Variants in NEK1 observed in about 807,000 individuals in gnomAD.
The protein encoded by NEK1 is serine/threonine-protein kinase Nek1.
NEK1 carries 137 observed loss-of-function variants against 182.1 expected under a neutral mutation model. The ratio of observed to expected loss-of-function variants is 0.75; its 90% CI spans 0.65 to 0.87. The LOEUF (loss-of-function observed/expected upper bound fraction) is 0.87. Among genes scored for constraint, NEK1 ranks in the 40% least tolerant of loss-of-function variants. The pLI is 0.00. For missense variants in NEK1, 1,391 were observed against 1,494.4 expected (o/e 0.93, Z 1.14); for synonymous variants, 513 against 492.2 (o/e 1.04, Z -0.56).
At chr4:169,596,053 A>G (rs1183446422) in intron 5 of NEK1, among the ~76,000 whole-genome samples, 2 of 152,130 alleles carry the variant, frequency 1.3e-5, no homozygotes, top group Non-Finnish European at 1.5e-5. Flanking sequence ...TCTAGCAACC[A>G]GGGACCTTGG....
chr4:169,426,083 G>T, intron 30 of NEK1, 63 bp downstream of exon 30: 1 of 1,188,346 alleles, frequency 8.4e-7, no homozygotes, highest in Non-Finnish European at 1.2e-6. Flanking sequence ...AAATAAAACA[G>T]GTTGATGTTA....
At chr4:169,500,176 C>T (rs948100590) in intron 23 of NEK1, among the ~76,000 whole-genome samples, 2 of 152,088 alleles carry the variant, frequency 1.3e-5, no homozygotes, top group Admixed American at 6.5e-5. Context: ...AGCGAGGCTC[C>T]GTGGGCATAG....
chr4:169,504,738 G>T (rs1752951953), intron 23 of NEK1, among the ~76,000 whole-genome samples: 1 of 152,166 alleles, frequency 6.6e-6, no homozygotes, highest in African/African-American at 2.4e-5. Flanking sequence ...GCTGGAAAGG[G>T]TAGTGCATGA....
intron 30 of NEK1, among the ~76,000 whole-genome samples, chr4:169,425,497 T>C (rs1427797560): frequency 2.0e-5 from 3 of 151,854 alleles, no homozygotes; most frequent in Non-Finnish European, 4.4e-5. Context: ...ACTATTTAGA[T>C]ACATATTTAG....
chr4:169,605,804 A>G (rs1391784263), intron 2 of NEK1, among the ~76,000 whole-genome samples: 1 of 152,208 alleles, frequency 6.6e-6, no homozygotes, highest in African/African-American at 2.4e-5. Context: ...TAATAATTAT[A>G]TCAATTCAAT....
At chr4:169,542,094 A>G (rs1383227336) in intron 18 of NEK1, among the ~76,000 whole-genome samples, 1 of 152,144 alleles carries the variant, frequency 6.6e-6, no homozygotes, top group African/African-American at 2.4e-5. Context: ...ATAGGTATAC[A>G]CATGCCATGG....
intron 11 of NEK1, among the ~76,000 whole-genome samples, chr4:169,578,230 G>A (rs958905573): frequency 1.3e-5 from 2 of 152,074 alleles, no homozygotes; most frequent in Non-Finnish European, 2.9e-5. Flanking sequence ...CACATCTCTG[G>A]AGGATATTAA....
chr4:169,531,839 C>T (rs1757729021), intron 19 of NEK1, among the ~76,000 whole-genome samples: 1 of 152,094 alleles, frequency 6.6e-6, no homozygotes, highest in Non-Finnish European at 1.5e-5. Context: ...ATTTAATGAT[C>T]ACATAAATCC....
intron 27 of NEK1, among the ~76,000 whole-genome samples, chr4:169,443,353 A>AC (rs373681785): frequency 5.2e-5 from 7 of 133,820 alleles, no homozygotes; most frequent in South Asian, 2.8e-4. Context: ...AAAACCCCAA[A>AC]CCCCCCCACC....
intron 4 of NEK1, among the ~76,000 whole-genome samples, chr4:169,601,001 A>G (rs1770402981): frequency 6.6e-6 from 1 of 152,206 alleles, no homozygotes; most frequent in African/African-American, 2.4e-5. Flanking sequence ...AAAAGAAACT[A>G]AAGGATAGAT....
At chr4:169,416,834 G>T (rs568688894) in intron 31 of NEK1, among the ~76,000 whole-genome samples, 2 of 152,280 alleles carry the variant, frequency 1.3e-5, no homozygotes, top group South Asian at 4.1e-4. Context: ...GAGCCCAGGA[G>T]GTTGAGGCTG....
At chr4:169,461,120 T>TA (rs1743885202) in intron 27 of NEK1, among the ~76,000 whole-genome samples, 2 of 152,172 alleles carry the variant, frequency 1.3e-5, no homozygotes. Context: ...CAGAGGAACT[T>TA]ATCCATTGTT....
Position 169,607,559 on chromosome 4 carries a change from T to C in NEK1, c.-49+4461A>G, listed in dbSNP as rs376911839. The stretch of plus-strand genomic sequence containing the variant: ...CTCACTGCAAGCTCCACCTCCCAGG[T>C]TCACGCCATTCTTCTGCCTCAGCCT... On this transcript the variant is annotated intron_variant, in intron 2 of 35. Transcript: ENST00000507142. Among the ~76,000 whole-genome samples the C allele has an allele frequency of 8.4e-3, 1,275 of 152,204 alleles. 15 individuals are homozygous for C. The highest frequency in any genetic ancestry group is 0.029 in the African/African-American group (1,220 of 41,530).
At chr4:169,561,780 T>A (rs966110405) in intron 14 of NEK1, 43 bp from the exon 15 acceptor site, 34 of 1,599,116 alleles carry the variant, frequency 2.1e-5, no homozygotes, top group African/African-American at 4.0e-5. Context: ...CTCTTGAACC[T>A]ATTATCACTT....
Position 169,415,461 on chromosome 4 carries a change from G to T in NEK1, c.3223-8714C>A, listed in dbSNP as rs971499143. Among the ~76,000 whole-genome samples, 3 of 152,134 alleles carry T rather than the reference G, an allele frequency of 2.0e-5. No individual in the cohort carries two copies. In the East Asian group the frequency reaches 5.8e-4, roughly 29 times the overall value. The stretch of plus-strand genomic sequence containing the variant: ...ATATTTCTCTCCTCTGGGGAATATG[G>T]CATAGTTTATAATTCTCTTTTCATT... On this transcript the variant is annotated intron_variant, in intron 31 of 35. Transcript: ENST00000507142.
intron 2 of NEK1, among the ~76,000 whole-genome samples, chr4:169,606,048 G>C (rs7688739): frequency 0.29 from 43,626 of 151,362 alleles, 8,865 homozygotes; most frequent in African/African-American, 0.58. Flanking sequence ...ACCTTGCCAA[G>C]TCGACTAGTC....
At chr4:169,431,526 T>TAATGG (rs1554030114) in intron 29 of NEK1, among the ~76,000 whole-genome samples, 1 of 151,570 alleles carries the variant, frequency 6.6e-6, no homozygotes, top group Non-Finnish European at 1.5e-5. Flanking sequence ...GTAGACAGAC[T>TAATGG]AATAGGAAAA....
chr4:169,581,039 T>TAAAA (rs34236215), intron 10 of NEK1, 137 bp from the exon 11 acceptor site: 1,105 of 129,988 alleles, frequency 8.5e-3, no homozygotes, highest in East Asian at 0.017. Flanking sequence ...ACCAAGTTGT[T>TAAAA]AAAAAAAAAA....
chr4:169,567,089 A>C (rs1325245209), intron 12 of NEK1, among the ~76,000 whole-genome samples: 1 of 147,842 alleles, frequency 6.8e-6, no homozygotes. Flanking sequence ...TCCTGTCTCA[A>C]AAAAAAAGAA....
Sources: gnomAD v4.1 joint callset for allele counts (sites outside exome capture counted in the v4.1 genomes callset) on GRCh38, gnomAD v4.1.1 for gene constraint, MANE v1.5 for transcripts, NCBI Gene and HGNC (gene_info 2026-07-23, HGNC 2026-07-21) for gene names.